The following PPP3CA variants were observed in gnomAD, a reference collection of about 807,000 sequenced individuals.
The protein encoded by PPP3CA is protein phosphatase 3 catalytic subunit alpha, also known as CAM-PRP catalytic subunit.
PPP3CA carries 14 observed loss-of-function variants against 66.5 expected under a neutral mutation model. The observed-to-expected ratio is 0.21, with a 90% confidence interval of 0.14 to 0.33. The LOEUF is 0.33. Among genes scored for constraint, PPP3CA ranks in the 10% least tolerant of loss-of-function variants. PPP3CA has a pLI of 1.00. For missense variants in PPP3CA, 317 were observed against 639.5 expected, an observed-to-expected ratio of 0.50 and a Z score of 5.44; for synonymous variants, 232 against 226.2, an observed-to-expected ratio of 1.03 and a Z score of -0.23.
intron 2 of PPP3CA, among the ~76,000 whole-genome samples, chr4:101,190,644 G>A (rs1431066920): frequency 6.6e-6 from 1 of 151,902 alleles, no homozygotes; most frequent in South Asian, 2.1e-4. Context: ...TACATTTTTT[G>A]TTTGATACAC....
chr4:101,248,513 C>T (rs957699919), intron 1 of PPP3CA, among the ~76,000 whole-genome samples: 1 of 152,146 alleles, frequency 6.6e-6, no homozygotes, highest in African/African-American at 2.4e-5. Flanking sequence ...ATCACTTTCA[C>T]TAATAGTAAA....
chr4:101,038,462 T>C (rs1226650803), intron 11 of PPP3CA, among the ~76,000 whole-genome samples: 2 of 151,616 alleles, frequency 1.3e-5, no homozygotes, highest in East Asian at 3.9e-4. Context: ...CTCCGCCTCC[T>C]GGGTTTGAGA....
chr4:101,058,459 TTCC>T (rs1374925722), intron 10 of PPP3CA, among the ~76,000 whole-genome samples: 2 of 152,152 alleles, frequency 1.3e-5, no homozygotes, highest in Admixed American at 6.6e-5. Context: ...CCTGACCATC[TTCC>T]TCCCTGCACC....
chr4:101,044,641 C>T (rs767031482), intron 10 of PPP3CA, among the ~76,000 whole-genome samples: 1 of 151,032 alleles, frequency 6.6e-6, no homozygotes, highest in Non-Finnish European at 1.5e-5. Flanking sequence ...TTTTTTTGGC[C>T]TCTCCTTTCA....
chr4:101,190,583 CT>C (rs1471789000), intron 2 of PPP3CA, among the ~76,000 whole-genome samples: 1 of 152,156 alleles, frequency 6.6e-6, no homozygotes, highest in Non-Finnish European at 1.5e-5. Flanking sequence ...TAATAGAATA[CT>C]GTATTCATTA....
At chr4:101,239,537 G>A (rs1726234153) in intron 1 of PPP3CA, among the ~76,000 whole-genome samples, 2 of 151,972 alleles carry the variant, frequency 1.3e-5, no homozygotes, top group Admixed American at 1.3e-4. Flanking sequence ...CAATTTGGAA[G>A]CAAGAAGAAT....
At chr4:101,101,461 T>C (rs1730438428) in intron 3 of PPP3CA, among the ~76,000 whole-genome samples, 1 of 152,210 alleles carries the variant, frequency 6.6e-6, no homozygotes, top group Non-Finnish European at 1.5e-5. Flanking sequence ...AAGTAATATA[T>C]GTATTTTTCC....
At chr4:101,234,323 T>A (rs1726058934) in intron 1 of PPP3CA, among the ~76,000 whole-genome samples, 1 of 151,810 alleles carries the variant, frequency 6.6e-6, no homozygotes, top group South Asian at 2.1e-4. Flanking sequence ...CTTTTCACAA[T>A]AGCTGAAATA....
intron 1 of PPP3CA, among the ~76,000 whole-genome samples, chr4:101,202,716 G>T (rs114303952): frequency 5.3e-5 from 8 of 152,102 alleles, no homozygotes; most frequent in African/African-American, 1.9e-4. Context: ...CTCAAGTATG[G>T]TTAAATATTA....
chr4:101,063,441 A>T lies in PPP3CA; in HGVS notation c.956-84T>A. The T allele has an allele frequency of 2.7e-6, 4 of 1,458,080 alleles. No homozygotes were observed. The Admixed American group carries it at 8.6e-5, about 31-fold the overall frequency. 90.3% of individuals were successfully genotyped at this position (1,458,080 alleles called of 1,614,324 possible). On this transcript the variant is annotated intron_variant, in intron 8 of 13. Transcript: ENST00000394854. ...GGCTTTAGCTCATCAAGAAAATTCA[A>T]CCATTTGACTGAAGTTCCAAAACAT... is the stretch of plus-strand genomic sequence containing the variant.
At chr4:101,061,272 G>C in intron 9 of PPP3CA, 111 bp from the exon 10 acceptor site, 1 of 881,500 alleles carries the variant, frequency 1.1e-6, no homozygotes. Flanking sequence ...TATTTAGTTT[G>C]TATATAGAAG....
intron 1 of PPP3CA, among the ~76,000 whole-genome samples, chr4:101,287,829 A>G (rs1297308170): frequency 1.3e-5 from 2 of 151,968 alleles, no homozygotes; most frequent in African/African-American, 4.8e-5. Context: ...AGTTTGCCCA[A>G]GACAAACTTT....
intron 12 of PPP3CA, among the ~76,000 whole-genome samples, 158 bp from the exon 13 acceptor site, chr4:101,029,353 A>AAAAAAAAAAAAAAAAAAAAAAAAAAAT (rs1726823773): frequency 6.8e-6 from 1 of 146,666 alleles, no homozygotes; most frequent in Non-Finnish European, 1.5e-5. Flanking sequence ...ATGCTAAAAA[A>AAAAAAAAAAAAAAAAAAAAAAAAAAAT]AAAAAAAAAA....
intron 1 of PPP3CA, among the ~76,000 whole-genome samples, chr4:101,280,294 G>C (rs545159281): frequency 2.5e-4 from 38 of 152,310 alleles, no homozygotes; most frequent in Admixed American, 3.9e-4. Flanking sequence ...GGGTATCTGG[G>C]AGAAAAGCAT....
intron 1 of PPP3CA, among the ~76,000 whole-genome samples, chr4:101,300,581 T>C (rs1332430122): frequency 6.6e-6 from 1 of 152,098 alleles, no homozygotes; most frequent in Non-Finnish European, 1.5e-5. Flanking sequence ...GATCACTTGA[T>C]GCCAGGAGTT....
chr4:101,342,395 C>A (rs1729845055), intron 1 of PPP3CA, among the ~76,000 whole-genome samples: 1 of 152,090 alleles, frequency 6.6e-6, no homozygotes, highest in African/African-American at 2.4e-5. Context: ...TACAACAATG[C>A]ACTTGTGTTA....
rs973743487 is a variant in PPP3CA at position 101,213,383 on chromosome 4, T to C, written c.59-17267A>G. 2.6e-5 allele frequency among the ~76,000 whole-genome samples: 4 copies of C among 152,288 alleles called. No homozygotes were observed. In the South Asian group the frequency reaches 6.2e-4, roughly 24 times the overall value. ...TGTAGTCGTATAATACTGGTTTAAGTCAAATATGATTTGAAGATTACTAAA... is the reference window on the plus strand; with the variant it reads ...TGTAGTCGTATAATACTGGTTTAAGCCAAATATGATTTGAAGATTACTAAA... On this transcript the variant is annotated intron_variant, in intron 1 of 13. Transcript: ENST00000394854.
intron 1 of PPP3CA, among the ~76,000 whole-genome samples, chr4:101,325,864 C>T (rs2110327710): frequency 6.6e-6 from 1 of 152,072 alleles, no homozygotes; most frequent in South Asian, 2.1e-4. Flanking sequence ...AATACTTTGG[C>T]AAAGAAAAAA....
chr4:101,029,640 G>A (rs1201376033), intron 12 of PPP3CA, among the ~76,000 whole-genome samples: 1 of 148,930 alleles, frequency 6.7e-6, no homozygotes, highest in Non-Finnish European at 1.5e-5. Flanking sequence ...TTGAAGCAGT[G>A]CCACAATATC....
Sources: gnomAD v4.1 joint callset for allele counts (sites outside exome capture counted in the v4.1 genomes callset) on GRCh38, gnomAD v4.1.1 for gene constraint, MANE v1.5 for transcripts, NCBI Gene and HGNC (gene_info 2026-07-23, HGNC 2026-07-21) for gene names.